FRMPD4: variants seen among roughly 807,000 people sequenced by gnomAD.
FRMPD4 encodes FERM and PDZ domain containing 4, also known as FERM and PDZ domain-containing protein 4.
Under a neutral mutation model 94.1 loss-of-function variants are expected in FRMPD4, and 22 were observed. The ratio of observed to expected loss-of-function variants is 0.23; its 90% CI spans 0.17 to 0.33. The LOEUF (loss-of-function observed/expected upper bound fraction) is 0.33. FRMPD4 is among the 10% of genes least tolerant of loss of function. The probability of loss-of-function intolerance (pLI) is 1.00; values close to 1 mark genes in which losing one functional copy is unlikely to be tolerated. For missense variants in FRMPD4, 1,111 were observed against 1,339.9 expected (o/e 0.83, Z 2.67); for synonymous variants, 631 against 548.6 (o/e 1.15, Z -2.10).
intron 1 of FRMPD4, among the ~76,000 whole-genome samples, chrX:11,863,456 A>G (rs749965154): frequency 9.0e-6 from 1 of 111,348 alleles, no homozygotes; most frequent in South Asian, 3.8e-4. Flanking sequence ...CATTGCATGA[A>G]TTTTTTTAGG....
intron 3 of FRMPD4, among the ~76,000 whole-genome samples, chrX:12,120,035 T>C (rs1285817721): frequency 8.9e-6 from 1 of 112,455 alleles, no homozygotes; most frequent in Non-Finnish European, 1.9e-5. Flanking sequence ...AATTGTGCTC[T>C]CCAAGGGATA....
At chrX:12,163,886 C>A (rs2056067997) in intron 1 of FRMPD4, among the ~76,000 whole-genome samples, 2 of 111,737 alleles carry the variant, frequency 1.8e-5, no homozygotes, top group African/African-American at 3.2e-5. Flanking sequence ...GGGGTCCCAA[C>A]GTTTGGCTGA....
At chrX:12,133,781 C>T (rs1386401245), upstream of FRMPD4, among the ~76,000 whole-genome samples, 3 of 111,659 alleles carry the variant, frequency 2.7e-5, no homozygotes, top group Non-Finnish European at 5.6e-5. Context: ...GCAACAGGCT[C>T]CTAAATCAGT....
chrX:12,030,421 G>C (rs187823279), intron 3 of FRMPD4, among the ~76,000 whole-genome samples: 2 of 111,678 alleles, frequency 1.8e-5, no homozygotes, highest in Non-Finnish European at 3.8e-5. Flanking sequence ...TTTTTTGTGG[G>C]GGGGAGGTCC....
intron 1 of FRMPD4, among the ~76,000 whole-genome samples, chrX:12,419,963 C>T (rs971880638): frequency 3.6e-5 from 4 of 111,535 alleles, no homozygotes; most frequent in South Asian, 3.8e-4. Flanking sequence ...TTTCCGTTAC[C>T]GTCTTTAGGC....
chrX:11,886,369 A>G, intron 3 of FRMPD4, among the ~76,000 whole-genome samples: 1 of 111,097 alleles, frequency 9.0e-6, no homozygotes, highest in South Asian at 3.8e-4. Flanking sequence ...ATTTAGACAA[A>G]CCATTTTTTT....
At chrX:11,841,079 A>T (rs1569107983) in intron 1 of FRMPD4, among the ~76,000 whole-genome samples, 1 of 109,150 alleles carries the variant, frequency 9.2e-6, no homozygotes, top group Admixed American at 9.8e-5. Context: ...TGAGCTCATC[A>T]TTTTTTTTAT....
chrX:12,192,331 A>G lies in FRMPD4; in HGVS notation c.41+53319A>G, dbSNP rs1365732099. On this transcript the variant is annotated intron_variant, in intron 1 of 16. Coordinates refer to ENST00000675598, the MANE Select transcript of FRMPD4 (RefSeq NM_001368397.1). ...TGGCACGGCCATCCTTGATGATTTA[A>G]TTAACTCACCTATGCTATTCCTGTA... 2.7e-5 allele frequency among the ~76,000 whole-genome samples: 3 copies of G among 112,215 alleles called. No individual in the cohort carries two copies. In the Admixed American group the frequency reaches 2.8e-4, roughly 11 times the overall value.
chrX:11,931,913 A>C (rs892489732), intron 3 of FRMPD4, among the ~76,000 whole-genome samples: 4 of 112,192 alleles, frequency 3.6e-5, no homozygotes, highest in Non-Finnish European at 5.6e-5. Flanking sequence ...CAGCATTTCT[A>C]AGGGACCTTA....
chrX:11,951,021 T>G (rs1450320732), intron 3 of FRMPD4, among the ~76,000 whole-genome samples: 2 of 85,480 alleles, frequency 2.3e-5, no homozygotes, highest in Non-Finnish European at 4.2e-5. Flanking sequence ...ATTGCGTCAT[T>G]ACACTCCAGC....
chrX:12,284,948 C>T (rs1018966164), intron 1 of FRMPD4, among the ~76,000 whole-genome samples: 13 of 111,819 alleles, frequency 1.2e-4, no homozygotes, highest in African/African-American at 2.6e-4. Flanking sequence ...GGGAGGACTA[C>T]GTGAGCTAAT....
intron 4 of FRMPD4, 116 bp downstream of exon 4, chrX:12,614,997 C>T: frequency 2.7e-6 from 1 of 377,304 alleles, no homozygotes; most frequent in Non-Finnish European, 4.8e-6. Flanking sequence ...GAAATGCAAG[C>T]CAACACATAC....
rs755418404 is a variant in FRMPD4 at position 11,877,715 on chromosome X, G to T, written c.-29-180G>T. ...CTCTTTTGCATCCTCAAATCTCTTGGAGCACGTGATTGTTTAAGAATATCT... is the reference window on the plus strand; with the variant it reads ...CTCTTTTGCATCCTCAAATCTCTTGTAGCACGTGATTGTTTAAGAATATCT... On this transcript the variant is annotated intron_variant, in intron 2 of 18. Transcript: ENST00000640291. 4.5e-5 allele frequency among the ~76,000 whole-genome samples: 5 copies of T among 112,108 alleles called. No homozygotes were observed. The East Asian group carries it at 1.1e-3, about 25-fold the overall frequency.
At chrX:12,046,222 T>C (rs184665544) in intron 3 of FRMPD4, among the ~76,000 whole-genome samples, 1 of 111,001 alleles carries the variant, frequency 9.0e-6, no homozygotes, top group African/African-American at 3.3e-5. Flanking sequence ...TTTCAAATAT[T>C]AGTATCATCT....
intron 14 of FRMPD4, among the ~76,000 whole-genome samples, chrX:12,713,900 C>T (rs184365436): frequency 8.9e-6 from 1 of 111,873 alleles, no homozygotes; most frequent in African/African-American, 3.2e-5. Context: ...AGAAACAGCC[C>T]CCATTTCTTC....
intron 2 of FRMPD4, among the ~76,000 whole-genome samples, chrX:12,587,049 T>A (rs895697303): frequency 9.1e-6 from 1 of 109,572 alleles, no homozygotes; most frequent in Admixed American, 9.7e-5. Context: ...TGATCTCAGC[T>A]CAGTGCAACC....
At chrX:12,186,187 C>A (rs971670072) in intron 1 of FRMPD4, among the ~76,000 whole-genome samples, 2 of 111,231 alleles carry the variant, frequency 1.8e-5, no homozygotes, top group East Asian at 2.8e-4. Context: ...CCATAAAACT[C>A]ATGTGTCAGA....
At chrX:12,690,934 G>A (rs1381090234) in intron 8 of FRMPD4, among the ~76,000 whole-genome samples, 1 of 111,699 alleles carries the variant, frequency 9.0e-6, no homozygotes, top group Admixed American at 9.5e-5. Flanking sequence ...TTTGTTGAAC[G>A]TATAAAAGAT....
At chrX:12,267,036 G>T (rs2054287137) in intron 1 of FRMPD4, among the ~76,000 whole-genome samples, 1 of 112,175 alleles carries the variant, frequency 8.9e-6, no homozygotes, top group South Asian at 3.7e-4. Flanking sequence ...ATCCAAAAAT[G>T]CTGGCAACAC....
Sources: allele counts gnomAD v4.1 joint callset (sites outside exome capture counted in the v4.1 genomes callset), GRCh38; gene constraint gnomAD v4.1.1; transcripts MANE v1.5; gene names NCBI Gene and HGNC (gene_info 2026-07-23, HGNC 2026-07-21).